NCKAP5: variants seen among roughly 807,000 people sequenced by gnomAD.
NCKAP5 encodes NCK associated protein 5, also known as nck-associated protein 5.
In NCKAP5, 92 loss-of-function variants were observed where a neutral mutation model predicts 167.0. That is an observed-to-expected ratio of 0.55 (90% CI 0.47 to 0.66). The LOEUF (loss-of-function observed/expected upper bound fraction) is 0.66, where lower values mean the gene tolerates loss of function less well. Ranked by LOEUF, NCKAP5 falls within the 30% of genes least tolerant of loss-of-function variation. NCKAP5 has a pLI of 0.00. For missense variants in NCKAP5, 2,378 were observed against 2,315.0 expected, an observed-to-expected ratio of 1.03 and a Z score of -0.56; for synonymous variants, 891 against 877.4, an observed-to-expected ratio of 1.02 and a Z score of -0.27.
At chr2:133,178,871 A>G (rs1487970127) in intron 5 of NCKAP5, among the ~76,000 whole-genome samples, 3 of 151,122 alleles carry the variant, frequency 2.0e-5, no homozygotes, top group Non-Finnish European at 4.4e-5. Flanking sequence ...CTCTCCTAAT[A>G]TAAACCAGCA....
At chr2:133,182,302 C>G (rs911423383) in intron 5 of NCKAP5, among the ~76,000 whole-genome samples, 1 of 152,092 alleles carries the variant, frequency 6.6e-6, no homozygotes, top group African/African-American at 2.4e-5. Flanking sequence ...TACAAAAGTA[C>G]ATAAAATACA....
intron 8 of NCKAP5, among the ~76,000 whole-genome samples, chr2:132,961,190 T>G (rs1265554250): frequency 6.6e-6 from 1 of 152,000 alleles, no homozygotes; most frequent in Non-Finnish European, 1.5e-5. Flanking sequence ...CCTACAATAA[T>G]GTTTAACCCA....
At chr2:133,414,713 T>A (rs929280037) in intron 3 of NCKAP5, among the ~76,000 whole-genome samples, 17 of 152,204 alleles carry the variant, frequency 1.1e-4, no homozygotes, top group African/African-American at 4.1e-4. Context: ...TTTTTCCTGG[T>A]TAGGCCATTC....
At chr2:133,080,308 G>T (rs2080758257) in intron 6 of NCKAP5, among the ~76,000 whole-genome samples, 1 of 152,100 alleles carries the variant, frequency 6.6e-6, no homozygotes, top group South Asian at 2.1e-4. Context: ...GGCAACTCTG[G>T]AATGATATTT....
rs199908793 is a variant in NCKAP5 at position 132,840,276 on chromosome 2, A to ATTTTT, written c.807+20211_807+20215dup. On this transcript the variant is annotated intron_variant, in intron 11 of 19. Coordinates refer to ENST00000409261, the MANE Select transcript of NCKAP5 (RefSeq NM_207363.3). ...ACAGAGATGATTGGCATTGCACAGC[A>ATTTTT]TTTTTTTTTTTTTTTTTGAGATAGA... 8.9e-4 allele frequency among the ~76,000 whole-genome samples: 120 copies of ATTTTT among 135,204 alleles called. 1 individual carries two copies. The highest frequency in any genetic ancestry group is 3.9e-3 in the Middle Eastern group (1 of 258). 88.7% of individuals were successfully genotyped at this position (135,204 alleles called of 152,430 possible).
chr2:132,799,373 G>A (rs970003657), intron 11 of NCKAP5, among the ~76,000 whole-genome samples: 2 of 152,048 alleles, frequency 1.3e-5, no homozygotes, highest in African/African-American at 4.8e-5. Context: ...GAACAAAACT[G>A]CAGAAGTACC....
At chr2:133,447,499 C>T (rs1269472963) in intron 3 of NCKAP5, among the ~76,000 whole-genome samples, 2 of 146,318 alleles carry the variant, frequency 1.4e-5, no homozygotes, top group Non-Finnish European at 3.0e-5. Context: ...CCTTCTCTTC[C>T]CTTCCTTTCC....
intron 3 of NCKAP5, among the ~76,000 whole-genome samples, chr2:133,366,834 G>A (rs1436018584): frequency 1.3e-5 from 2 of 152,082 alleles, no homozygotes; most frequent in Non-Finnish European, 2.9e-5. Flanking sequence ...ATCTGAAGTT[G>A]CAAAAATTTT....
the NCKAP5 span, among the ~76,000 whole-genome samples, chr2:133,619,788 T>C: frequency 1.8e-4 from 28 of 152,122 alleles, no homozygotes; most frequent in Admixed American, 1.8e-3. Context: ...GATCATCACC[T>C]AGATACATAG....
intron 6 of NCKAP5, among the ~76,000 whole-genome samples, chr2:133,096,541 A>T (rs982516257): frequency 9.2e-5 from 14 of 152,006 alleles, no homozygotes; most frequent in African/African-American, 3.4e-4. Flanking sequence ...AGCAAATAAA[A>T]TAAAATACAG....
intron 3 of NCKAP5, among the ~76,000 whole-genome samples, chr2:133,493,263 T>C (rs1388301150): frequency 6.6e-6 from 1 of 152,182 alleles, no homozygotes; most frequent in Non-Finnish European, 1.5e-5. Flanking sequence ...GTATAACAGT[T>C]GACAGGCATG....
intron 4 of NCKAP5, among the ~76,000 whole-genome samples, chr2:133,298,347 C>T (rs575185875): frequency 6.6e-6 from 1 of 152,228 alleles, no homozygotes; most frequent in African/African-American, 2.4e-5. Flanking sequence ...TTAAATGGAG[C>T]ATTTTTATTA....
chr2:133,332,129 T>C (rs12465086), intron 3 of NCKAP5, among the ~76,000 whole-genome samples: 2 of 152,160 alleles, frequency 1.3e-5, no homozygotes, highest in Admixed American at 1.3e-4. Context: ...GAGCTTTACA[T>C]CTAATGAGGA....
intron 8 of NCKAP5, among the ~76,000 whole-genome samples, chr2:132,907,332 T>A (rs961984969): frequency 6.6e-6 from 1 of 152,236 alleles, no homozygotes; most frequent in African/African-American, 2.4e-5. Flanking sequence ...AGGACACACC[T>A]GGCTCTAACT....
chr2:132,895,158 CG>C (rs1693059782), intron 8 of NCKAP5, among the ~76,000 whole-genome samples: 1 of 151,534 alleles, frequency 6.6e-6, no homozygotes, highest in Non-Finnish European at 1.5e-5. Flanking sequence ...GGTGAAACCC[CG>C]TCTCTACTAA....
intron 3 of NCKAP5, among the ~76,000 whole-genome samples, chr2:133,338,394 G>C (rs1340197795): frequency 6.6e-6 from 1 of 152,196 alleles, no homozygotes; most frequent in Non-Finnish European, 1.5e-5. Context: ...TAAGCATTCA[G>C]AGCCTAAGGT....
rs770227651 is a variant in NCKAP5 at position 132,840,292 on chromosome 2, T to TTTG, written c.807+20199_807+20200insCAA. 6.4e-4 allele frequency among the ~76,000 whole-genome samples: 95 copies of TTTG among 147,486 alleles called. 1 individual carries two copies. Among genetic ancestry groups the TTTG allele is most frequent in the East Asian group, 2.7e-3 (13 of 4,846 alleles). ...TTGCACAGCATTTTTTTTTTTTTTT[T>TTTG]TGAGATAGAGTCTCGCTCTGTTGAC... On this transcript the variant is annotated intron_variant, in intron 11 of 19. Transcript: ENST00000409261.
At chr2:132,757,255 C>T (rs1375124431) in intron 16 of NCKAP5, among the ~76,000 whole-genome samples, 3 of 152,190 alleles carry the variant, frequency 2.0e-5, no homozygotes, top group African/African-American at 2.4e-5. Flanking sequence ...TTCTCACATT[C>T]TATCGATGGG....
chr2:132,811,660 T>C (rs1685878849), intron 11 of NCKAP5, among the ~76,000 whole-genome samples: 1 of 150,020 alleles, frequency 6.7e-6, no homozygotes. Flanking sequence ...AGGCGGAAGG[T>C]GAGATAGGCT....
Sources: allele counts gnomAD v4.1 joint callset (sites outside exome capture counted in the v4.1 genomes callset), GRCh38; gene constraint gnomAD v4.1.1; transcripts MANE v1.5; gene names NCBI Gene and HGNC (gene_info 2026-07-23, HGNC 2026-07-21).